Variants in PCDH11X observed in about 807,000 individuals in gnomAD.
The protein encoded by PCDH11X is protocadherin 11 X-linked.
PCDH11X carries 18 observed loss-of-function variants against 53.3 expected under a neutral mutation model. The observed-to-expected ratio is 0.34, with a 90% confidence interval of 0.23 to 0.50. The LOEUF (loss-of-function observed/expected upper bound fraction) is 0.50, where lower values mean the gene tolerates loss of function less well. Ranked by LOEUF, PCDH11X falls within the 20% of genes least tolerant of loss-of-function variation. PCDH11X has a pLI of 0.98. For missense variants in PCDH11X, 570 were observed against 1,032.4 expected (o/e 0.55, Z 6.14); for synonymous variants, 279 against 393.3 (o/e 0.71, Z 3.44).
chrX:91,886,754 A>G (rs756952026), intron 6 of PCDH11X, among the ~76,000 whole-genome samples: 52 of 109,267 alleles, frequency 4.8e-4, no homozygotes, highest in African/African-American at 7.0e-4. Context: ...GGAGGATCAC[A>G]AGGTCAGGAG....
chrX:92,278,809 T>G (rs1192354294), intron 8 of PCDH11X, among the ~76,000 whole-genome samples: 3 of 90,063 alleles, frequency 3.3e-5, no homozygotes, highest in South Asian at 5.5e-4. Flanking sequence ...CTTTTCAGTT[T>G]TTTTTTTTTT....
chrX:92,207,169 G>A (rs2066490540), intron 7 of PCDH11X, among the ~76,000 whole-genome samples: 1 of 111,478 alleles, frequency 9.0e-6, no homozygotes, highest in Non-Finnish European at 1.9e-5. Context: ...GGGCCAATGG[G>A]ACCAAAAACA....
chrX:92,543,580 T>C (rs2074792797), intron 10 of PCDH11X, among the ~76,000 whole-genome samples: 2 of 108,680 alleles, frequency 1.8e-5, no homozygotes, highest in Non-Finnish European at 3.8e-5. Context: ...GGTATCAGGG[T>C]CATTATTTAT....
At chrX:92,231,749 G>T in intron 7 of PCDH11X, among the ~76,000 whole-genome samples, 1 of 112,005 alleles carries the variant, frequency 8.9e-6, no homozygotes, top group Non-Finnish European at 1.9e-5. Context: ...TGTATGAACA[G>T]GTATATAAAA....
intron 7 of PCDH11X, among the ~76,000 whole-genome samples, chrX:92,232,694 C>T (rs943080263): frequency 8.9e-6 from 1 of 112,017 alleles, no homozygotes; most frequent in Admixed American, 9.5e-5. Context: ...TCCTGACCTT[C>T]AGATATGCCC....
chrX:92,216,856 G>C (rs1287249067), intron 7 of PCDH11X, among the ~76,000 whole-genome samples: 1 of 105,313 alleles, frequency 9.5e-6, no homozygotes, highest in East Asian at 3.0e-4. Flanking sequence ...CGGATCTCTC[G>C]GCAGAAACTC....
intron 1 of PCDH11X, among the ~76,000 whole-genome samples, chrX:91,784,896 T>G (rs1602796243): frequency 8.9e-6 from 1 of 111,855 alleles, no homozygotes; most frequent in Non-Finnish European, 1.9e-5. Flanking sequence ...TAAACTTGCT[T>G]AGATTTGCCA....
At chrX:92,579,896 G>A (rs892871259) in intron 10 of PCDH11X, among the ~76,000 whole-genome samples, 3 of 111,105 alleles carry the variant, frequency 2.7e-5, no homozygotes, top group African/African-American at 9.9e-5. Context: ...TCGGATCTTA[G>A]AGGCTGCTGA....
At chrX:92,370,555 G>A (rs1430771667) in intron 8 of PCDH11X, among the ~76,000 whole-genome samples, 1 of 107,630 alleles carries the variant, frequency 9.3e-6, no homozygotes, top group Non-Finnish European at 1.9e-5. Flanking sequence ...CACCTCCCAG[G>A]TTCAAGCGAT....
At chrX:92,486,619 C>T (rs2073646510) in intron 10 of PCDH11X, among the ~76,000 whole-genome samples, 1 of 111,614 alleles carries the variant, frequency 9.0e-6, no homozygotes, top group Non-Finnish European at 1.9e-5. Context: ...TAACTCTATC[C>T]ATTATGCTCC....
chrX:92,528,521 G>A (rs1419253488), intron 10 of PCDH11X, among the ~76,000 whole-genome samples: 1 of 111,130 alleles, frequency 9.0e-6, no homozygotes, highest in East Asian at 2.8e-4. Context: ...TCGAACTCCC[G>A]ACCTCAGGTG....
intron 6 of PCDH11X, among the ~76,000 whole-genome samples, chrX:92,170,149 A>C (rs779674382): frequency 9.0e-5 from 10 of 111,259 alleles, no homozygotes; most frequent in African/African-American, 3.3e-4. Flanking sequence ...AAACCCCCTC[A>C]AATTTGAACT....
chrX:92,231,061 C>A (rs1199085450), intron 7 of PCDH11X, among the ~76,000 whole-genome samples: 1 of 111,420 alleles, frequency 9.0e-6, no homozygotes, highest in Non-Finnish European at 1.9e-5. Context: ...GTATGGAGAG[C>A]AAAGACAGCA....
intron 5 of PCDH11X, among the ~76,000 whole-genome samples, chrX:91,873,625 C>T (rs1294559516): frequency 1.8e-5 from 2 of 110,564 alleles, no homozygotes; most frequent in Non-Finnish European, 3.8e-5. Flanking sequence ...AAGCAAAGGC[C>T]AACTCAAAAT....
chrX:92,602,891 C>T lies in PCDH11X; in HGVS notation c.3368-15373C>T, dbSNP rs1216440216. Among the ~76,000 whole-genome samples the T allele has an allele frequency of 6.0e-5, 5 of 83,932 alleles. 1 individual carries two copies. In the Admixed American group the frequency reaches 6.3e-4, roughly 11 times the overall value. 72.9% of individuals were successfully genotyped at this position (83,932 alleles called of 115,157 possible). A position where few individuals can be genotyped will look rare whatever the true frequency, so the allele number is the denominator to read the frequency against. ...ATTATGAGTTACACTGTGAGCTCTA[C>T]ATGAAAAAAGCAAGCAACAAAAACT... On this transcript the variant is annotated intron_variant, in intron 10 of 10. Transcript: ENST00000682573.
intron 1 of PCDH11X, among the ~76,000 whole-genome samples, chrX:91,780,443 T>C (rs1226797239): frequency 3.6e-5 from 4 of 112,445 alleles, no homozygotes; most frequent in Non-Finnish European, 5.6e-5. Flanking sequence ...AACGGCATCA[T>C]TTTCTCATTT....
intron 8 of PCDH11X, among the ~76,000 whole-genome samples, chrX:92,273,317 C>A (rs1209249114): frequency 9.0e-6 from 1 of 110,523 alleles, no homozygotes; most frequent in Non-Finnish European, 1.9e-5. Flanking sequence ...AGCTTCTGAG[C>A]CAGAAGAAGG....
intron 6 of PCDH11X, among the ~76,000 whole-genome samples, chrX:92,102,175 G>A (rs2064270721): frequency 9.0e-6 from 1 of 111,680 alleles, no homozygotes; most frequent in African/African-American, 3.3e-5. Flanking sequence ...TTAAGAAAGA[G>A]TGAGTACAGC....
chrX:92,229,343 T>C (rs754620285), intron 7 of PCDH11X, among the ~76,000 whole-genome samples: 2 of 111,246 alleles, frequency 1.8e-5, no homozygotes, highest in East Asian at 5.7e-4. Context: ...TCATGAGGTC[T>C]CCCCTCATTT....
Sources: gnomAD v4.1 joint callset for allele counts (sites outside exome capture counted in the v4.1 genomes callset) on GRCh38, gnomAD v4.1.1 for gene constraint, MANE v1.5 for transcripts, NCBI Gene and HGNC (gene_info 2026-07-23, HGNC 2026-07-21) for gene names.